Variants in SPTLC2 observed in about 807,000 individuals in gnomAD.
The protein encoded by SPTLC2 is serine palmitoyltransferase 2.
SPTLC2 carries 21 observed loss-of-function variants against 62.0 expected under a neutral mutation model. That is an observed-to-expected ratio of 0.34 (90% confidence interval 0.24 to 0.49). SPTLC2 has a LOEUF of 0.49. Among genes scored for constraint, SPTLC2 ranks in the 20% least tolerant of loss-of-function variants. The pLI is 0.99. For missense variants in SPTLC2, 511 were observed against 713.0 expected, an observed-to-expected ratio of 0.72 and a Z score of 3.23; for synonymous variants, 261 against 261.8, an observed-to-expected ratio of 1.00 and a Z score of 0.03.
In SPTLC2 at chr14:77,507,999, G is replaced by C. The variant is rs2079314112; in HGVS notation, c.*4285C>G. 2.6e-5 allele frequency: 4 copies of C among 152,232 alleles called. No homozygotes were observed. Among genetic ancestry groups the C allele is most frequent in the Admixed American group, 2.0e-4 (3 of 15,284 alleles). 9.4% of individuals were successfully genotyped at this position (152,232 alleles called of 1,614,324 possible). A position where few individuals can be genotyped will look rare whatever the true frequency, so the allele number is the denominator to read the frequency against. On this transcript the variant is annotated 3_prime_UTR_variant, in exon 12 of 12. Coordinates refer to ENST00000216484, the MANE Select transcript of SPTLC2 (RefSeq NM_004863.4). Reference sequence around the variant, plus strand: ...AGCCTCTCAAGTAGCTGGGATTGCAGGCTGCATCCGCACCCAGCTCCTAAC... The same window carrying C: ...AGCCTCTCAAGTAGCTGGGATTGCACGCTGCATCCGCACCCAGCTCCTAAC...
At chr14:77,539,555 T>C (rs2079489394) in intron 9 of SPTLC2, among the ~76,000 whole-genome samples, 1 of 142,106 alleles carries the variant, frequency 7.0e-6, no homozygotes, top group South Asian at 2.4e-4. Flanking sequence ...AGTGGTGTGA[T>C]CTCGGTTCAT....
intron 9 of SPTLC2, among the ~76,000 whole-genome samples, chr14:77,533,900 G>A (rs1169727043): frequency 5.3e-5 from 8 of 152,134 alleles, no homozygotes; most frequent in Non-Finnish European, 1.5e-5. Context: ...GCTCATGCCT[G>A]TAATCCCAGC....
Position 77,597,276 on chromosome 14 carries a change from G to A in SPTLC2, c.237C>T (p.Gly79=), listed in dbSNP as rs560785142. ...GAAGATATCCAAAGAGGGTGAGTACGCCATACCCCACATACGTGAGCACAG... is the reference window on the plus strand; with the variant it reads ...GAAGATATCCAAAGAGGGTGAGTACACCATACCCCACATACGTGAGCACAG... ...LVAVLTYVGY[G]VLTLFGYLRD... Residue 79 remains glycine (G), a synonymous_variant, in exon 2 of 12, where the codon GGC becomes GGT. Coordinates refer to ENST00000216484, the MANE Select transcript of SPTLC2 (RefSeq NM_004863.4). 8.7e-6 allele frequency: 14 copies of A among 1,614,072 alleles called. No homozygotes were observed. The highest frequency in any genetic ancestry group is 1.7e-4 in the Middle Eastern group (1 of 6,058).
chr14:77,602,998 A>G (rs536534127), intron 1 of SPTLC2, among the ~76,000 whole-genome samples: 2 of 152,334 alleles, frequency 1.3e-5, no homozygotes, highest in Admixed American at 1.3e-4. Context: ...AAAAATAATT[A>G]AAATAAAACA....
intron 6 of SPTLC2, chr14:77,557,355 G>A (rs2079590091): frequency 5.2e-6 from 3 of 577,232 alleles, no homozygotes; most frequent in African/African-American, 1.9e-5. Flanking sequence ...CAAAACCATC[G>A]AAACTTGACT....
At chr14:77,554,366 T>C (rs907751014) in intron 8 of SPTLC2, among the ~76,000 whole-genome samples, 2 of 152,188 alleles carry the variant, frequency 1.3e-5, no homozygotes, top group Admixed American at 6.5e-5. Flanking sequence ...TTTTAGAACA[T>C]TTCCATAACC....
Position 77,521,491 on chromosome 14 carries a change from T to C in SPTLC2, c.1394A>G (p.Asp465Gly). The part of the protein sequence containing the change: ...EMGFIIYGNE[D>G]SPVVPLMLYM... ...GAGCATCAAAGGCACTACTGGAGAG[T>C]CTTCATTTCCATAGATGATGAAGCC... Residue 465 changes from aspartate (D) to glycine (G), a missense_variant, in exon 10 of 12, where the codon GAC becomes GGC. Asp to Gly is a moderately conservative substitution (Grantham distance 94). Transcript: ENST00000216484. 6.2e-7 allele frequency: 1 copy of C among 1,614,046 alleles called. No individual in the cohort carries two copies. Among genetic ancestry groups the C allele is most frequent in the Non-Finnish European group, 8.5e-7 (1 of 1,180,014 alleles).
At chr14:77,526,799 C>CT (rs11439888) in intron 9 of SPTLC2, among the ~76,000 whole-genome samples, 77,508 of 146,022 alleles carry the variant, frequency 0.53, 20,883 homozygotes, top group Non-Finnish European at 0.6. Flanking sequence ...TTATTTAGTT[C>CT]TTTTTTTTTT....
chr14:77,533,739 G>A (rs934901841), intron 9 of SPTLC2, among the ~76,000 whole-genome samples: 6 of 152,192 alleles, frequency 3.9e-5, no homozygotes, highest in Non-Finnish European at 8.8e-5. Context: ...GAAAGGGGAA[G>A]TAGGTTGGGC....
intron 4 of SPTLC2, among the ~76,000 whole-genome samples, chr14:77,573,805 T>C (rs1178765487): frequency 2.0e-5 from 3 of 152,140 alleles, no homozygotes; most frequent in African/African-American, 2.4e-5. Flanking sequence ...CTAATGTTTG[T>C]ATTTCCAGTA....
intron 9 of SPTLC2, among the ~76,000 whole-genome samples, chr14:77,540,318 T>C (rs2079494350): frequency 6.7e-6 from 1 of 150,066 alleles, no homozygotes; most frequent in South Asian, 2.1e-4. Flanking sequence ...ACAAAAAAAA[T>C]GTAATGGACA....
intron 9 of SPTLC2, among the ~76,000 whole-genome samples, chr14:77,533,137 A>T (rs896644628): frequency 6.6e-6 from 1 of 151,742 alleles, no homozygotes; most frequent in Non-Finnish European, 1.5e-5. Context: ...GTCTCTACTA[A>T]AAAAATACAA....
At chr14:77,551,977 C>T in intron 9 of SPTLC2, 119 bp downstream of exon 9, 1 of 1,459,846 alleles carries the variant, frequency 6.9e-7, no homozygotes, top group Non-Finnish European at 9.3e-7. Context: ...AAACCACACA[C>T]CAGCCAGCTC....
intron 2 of SPTLC2, among the ~76,000 whole-genome samples, chr14:77,592,534 C>T (rs117946198): frequency 0.027 from 4,138 of 152,222 alleles, 89 homozygotes; most frequent in South Asian, 0.079. Flanking sequence ...GAAAATAAGC[C>T]TATTGGGATA....
intron 9 of SPTLC2, among the ~76,000 whole-genome samples, chr14:77,540,128 G>A (rs550975799): frequency 9.9e-5 from 15 of 151,582 alleles, no homozygotes; most frequent in Admixed American, 4.6e-4. Flanking sequence ...CCTGGGAGGC[G>A]GAGGTTGCGG....
intron 10 of SPTLC2, 45 bp downstream of exon 10, chr14:77,521,401 A>G: frequency 7.4e-6 from 12 of 1,613,750 alleles, no homozygotes; most frequent in Non-Finnish European, 1.0e-5. Flanking sequence ...CACATCACAG[A>G]TAAGGATAAG....
chr14:77,605,854 A>T (rs2079902075), intron 1 of SPTLC2, among the ~76,000 whole-genome samples: 1 of 152,230 alleles, frequency 6.6e-6, no homozygotes, highest in African/African-American at 2.4e-5. Flanking sequence ...GCCTGTAACA[A>T]ACATACAACG....
In SPTLC2 at chr14:77,538,174, A is replaced by G. The variant is rs190977989; in HGVS notation, c.1303+13922T>C. Among the ~76,000 whole-genome samples the G allele has an allele frequency of 3.8e-4, 58 of 152,324 alleles. 1 individual carries two copies. The highest frequency in any genetic ancestry group is 6.8e-3 in the Middle Eastern group (2 of 294). ...CTCTACGATGCTATGAACTTTCCAA[A>G]GCTTTTGAGGTTTTCCTTTATTCTC... On this transcript the variant is annotated intron_variant, in intron 9 of 11. Coordinates refer to ENST00000216484, the MANE Select transcript of SPTLC2 (RefSeq NM_004863.4).
intron 11 of SPTLC2, among the ~76,000 whole-genome samples, chr14:77,513,607 A>T (rs2079343935): frequency 6.6e-6 from 1 of 152,126 alleles, no homozygotes; most frequent in South Asian, 2.1e-4. Context: ...ACAAAAGTCA[A>T]AGCTGGCCGG....
Sources: gnomAD v4.1 joint callset for allele counts (sites outside exome capture counted in the v4.1 genomes callset) on GRCh38, gnomAD v4.1.1 for gene constraint, MANE v1.5 for transcripts, NCBI Gene and HGNC (gene_info 2026-07-23, HGNC 2026-07-21) for gene names.